SDK2: variants seen among roughly 807,000 people sequenced by gnomAD.
SDK2 encodes sidekick cell adhesion molecule 2, also known as protein sidekick-2.
A neutral mutation model predicts 253.9 loss-of-function variants in SDK2; 105 were observed. The ratio of observed to expected loss-of-function variants is 0.41; its 90% CI spans 0.35 to 0.49. The LOEUF (loss-of-function observed/expected upper bound fraction) is 0.49. Among genes scored for constraint, SDK2 ranks in the 20% least tolerant of loss-of-function variants. The pLI, the probability that SDK2 is intolerant of heterozygous loss-of-function variation, is 0.06. For missense variants in SDK2, 2,608 were observed against 3,003.0 expected, an observed-to-expected ratio of 0.87 and a Z score of 3.07; for synonymous variants, 1,249 against 1,234.9, an observed-to-expected ratio of 1.01 and a Z score of -0.24.
Position 73,395,465 on chromosome 17 carries a change from A to G in SDK2, c.3355-73T>C. ...CTGTGCAGGGAGGAACTGCCCTGCTACCCTCTCCTCCAGGGCGCCTTCAGG... is the reference window on the plus strand; with the variant it reads ...CTGTGCAGGGAGGAACTGCCCTGCTGCCCTCTCCTCCAGGGCGCCTTCAGG... On this transcript the variant is annotated intron_variant, in intron 24 of 44. Coordinates refer to ENST00000392650, the MANE Select transcript of SDK2 (RefSeq NM_001144952.2). This position sits in a 1 kb window ranked among gnomAD's most constrained non-coding sequence, Gnocchi z 4.3. The G allele has an allele frequency of 2.4e-6, 3 of 1,268,518 alleles. No individual in the cohort carries two copies. Among genetic ancestry groups the G allele is most frequent in the Non-Finnish European group, 3.4e-6 (3 of 883,296 alleles). 78.6% of individuals were successfully genotyped at this position (1,268,518 alleles called of 1,614,324 possible). A position where few individuals can be genotyped will look rare whatever the true frequency, so the allele number is the denominator to read the frequency against.
intron 1 of SDK2, among the ~76,000 whole-genome samples, chr17:73,631,464 C>T (rs1223448840): frequency 6.6e-6 from 1 of 152,236 alleles, no homozygotes; most frequent in Non-Finnish European, 1.5e-5. Flanking sequence ...AGCCCCTCTT[C>T]CATTCTGGGT....
chr17:73,578,092 C>T (rs1159741708), intron 1 of SDK2, among the ~76,000 whole-genome samples: 1 of 149,488 alleles, frequency 6.7e-6, no homozygotes. Context: ...TGGAGTCTCG[C>T]TCTGTCACCC....
At position 73,639,500 on chromosome 17, in the gene SDK2, G is replaced by T. The variant is rs760598025; in HGVS notation, c.64+4525C>A. 6.6e-6 allele frequency among the ~76,000 whole-genome samples: 1 copy of T among 152,222 alleles called. No homozygotes were observed. The highest frequency in any genetic ancestry group is 2.4e-5 in the African/African-American group (1 of 41,462). ...TTTTCCTTTCCATTACAGGCAGTGG[G>T]CTGCAGCCGCCAGTTGCTGCTGGCC... is the stretch of plus-strand genomic sequence containing the variant. On this transcript the variant is annotated intron_variant, in intron 1 of 44. Coordinates refer to ENST00000392650, the MANE Select transcript of SDK2 (RefSeq NM_001144952.2). The surrounding 1 kb of genome is among the most constrained non-coding windows in gnomAD (Gnocchi z 4.3).
rs1257946682 is a variant in SDK2, at chr17:73,431,473, T to C, written c.1480+29A>G. The C allele has an allele frequency of 6.3e-7, 1 of 1,595,842 alleles. No homozygotes were observed. On this transcript the variant is annotated intron_variant, in intron 11 of 44. Coordinates refer to ENST00000392650, the MANE Select transcript of SDK2 (RefSeq NM_001144952.2). This position sits in a 1 kb window ranked among gnomAD's most constrained non-coding sequence, Gnocchi z 5.6. ...GGATGTACACACGCACACACAAATG[T>C]ATAAAGCCCTGTGGCTCTGCACACT...
chr17:73,604,247 G>T (rs761929952), intron 1 of SDK2, among the ~76,000 whole-genome samples: 2 of 152,242 alleles, frequency 1.3e-5, no homozygotes, highest in Non-Finnish European at 2.9e-5. Context: ...GACCCGCAAA[G>T]CTCATGGCCT....
intron 36 of SDK2, among the ~76,000 whole-genome samples, chr17:73,373,294 T>G (rs976742090): frequency 3.3e-5 from 5 of 152,238 alleles, no homozygotes; most frequent in Non-Finnish European, 5.9e-5. Context: ...TTCCACATCT[T>G]GGCTACTGTG....
chr17:73,458,394 GC>G (rs2063542177), intron 3 of SDK2, among the ~76,000 whole-genome samples: 1 of 152,170 alleles, frequency 6.6e-6, no homozygotes, highest in Non-Finnish European at 1.5e-5. Context: ...GCACAGAAAG[GC>G]CCGTCTGGCT....
Position 73,405,488 on chromosome 17 carries a change from ATATATATATATATATATATATATAT to A in SDK2, c.2485-3372_2485-3348del, listed in dbSNP as rs1568385652. Among the ~76,000 whole-genome samples, 116 of 96,036 alleles carry A rather than the reference ATATATATATATATATATATATATAT, an allele frequency of 1.2e-3. 11 individuals are homozygous for A. The highest frequency in any genetic ancestry group is 2.3e-3 in the East Asian group (6 of 2,556). 63.0% of individuals were successfully genotyped at this position (96,036 alleles called of 152,430 possible). A position where few individuals can be genotyped will look rare whatever the true frequency, so the allele number is the denominator to read the frequency against. The stretch of plus-strand genomic sequence containing the variant: ...AAACCATATATATATATATATATAT[ATATATATATATATATATATATATAT>A]ATATAAAGATCGAGAATGTGGAAAG... On this transcript the variant is annotated intron_variant, in intron 18 of 44. Coordinates refer to ENST00000392650, the MANE Select transcript of SDK2 (RefSeq NM_001144952.2).
intron 1 of SDK2, among the ~76,000 whole-genome samples, chr17:73,531,579 C>T (rs1260619700): frequency 6.6e-6 from 1 of 152,214 alleles, no homozygotes; most frequent in East Asian, 1.9e-4. Flanking sequence ...CCTGCCCCAT[C>T]TCTGATCTAG....
chr17:73,346,717 C>T (rs796982452), intron 44 of SDK2, among the ~76,000 whole-genome samples: 16 of 152,302 alleles, frequency 1.1e-4, no homozygotes, highest in African/African-American at 3.8e-4. Context: ...GGGCAGATTT[C>T]TGCCAATTTT....
rs764745965 is a variant in SDK2 at position 73,358,158 on chromosome 17, A to G, written c.5514T>C (p.Ser1838=). The change falls in exon 40 of 45, where the codon TCT becomes TCC. Residue 1838 remains serine (S), a synonymous_variant. Transcript: ENST00000392650. Reference sequence around the variant, plus strand: ...CGCTGGACCAGTGAATGGCGATGGCAGAGCTGTACCGCACGATGATGGGCA... The same window carrying G: ...CGCTGGACCAGTGAATGGCGATGGCGGAGCTGTACCGCACGATGATGGGCA... ...PGVPIIVRYS[S]AIAIHWSSGD... is the part of the protein sequence containing the mutation. 6.2e-7 allele frequency: 1 copy of G among 1,612,724 alleles called. No individual in the cohort carries two copies.
Position 73,534,572 on chromosome 17 carries a change from C to T in SDK2, c.65-26975G>A, listed in dbSNP as rs1182261638. Among the ~76,000 whole-genome samples, 2 of 152,076 alleles carry T rather than the reference C, an allele frequency of 1.3e-5. No individual in the cohort carries two copies. The highest frequency in any genetic ancestry group is 4.8e-5 in the African/African-American group (2 of 41,410). Reference sequence around the variant, plus strand: ...GGAGGGATGGGAAGATGCACAGAGGCAGAGCGCGAGACCAGCAAGGCAGCA... The same window carrying T: ...GGAGGGATGGGAAGATGCACAGAGGTAGAGCGCGAGACCAGCAAGGCAGCA... On this transcript the variant is annotated intron_variant, in intron 1 of 44. Transcript: ENST00000392650. The surrounding 1 kb of genome is among the most constrained non-coding windows in gnomAD (Gnocchi z 4.9).
At chr17:73,411,317 C>T (rs983294222) in intron 18 of SDK2, among the ~76,000 whole-genome samples, 1 of 152,234 alleles carries the variant, frequency 6.6e-6, no homozygotes, top group Non-Finnish European at 1.5e-5. Flanking sequence ...CAGCCTCCCC[C>T]ACTTTGGAGG....
intron 16 of SDK2, among the ~76,000 whole-genome samples, chr17:73,416,398 T>C (rs1310385868): frequency 6.6e-6 from 1 of 151,918 alleles, no homozygotes; most frequent in African/African-American, 2.4e-5. Context: ...GGTTTCACCA[T>C]GTTGGCCAGG....
At chr17:73,409,317 C>T (rs146125424) in intron 18 of SDK2, among the ~76,000 whole-genome samples, 5,521 of 152,190 alleles carry the variant, frequency 0.036, 218 homozygotes, top group East Asian at 0.15. Flanking sequence ...CCCATGTCTA[C>T]TAAAAATACA....
Position 73,569,723 on chromosome 17 carries a change from T to C in SDK2, c.65-62126A>G, listed in dbSNP as rs181332495. 3.0e-4 allele frequency among the ~76,000 whole-genome samples: 45 copies of C among 152,026 alleles called. 1 individual carries two copies. Among genetic ancestry groups the C allele is most frequent in the Admixed American group, 2.0e-3 (31 of 15,262 alleles). On this transcript the variant is annotated intron_variant, in intron 1 of 44. Coordinates refer to ENST00000392650, the MANE Select transcript of SDK2 (RefSeq NM_001144952.2). ...GTCACTGTTGTACACTATGCTGCAC[T>C]CTGGGAAAGATCAGACGAGAAAAGA...
chr17:73,380,999 AGAG>A (rs1568373922), intron 33 of SDK2, 49 bp from the exon 34 acceptor site: 10 of 1,194,090 alleles, frequency 8.4e-6, no homozygotes, highest in African/African-American at 1.5e-5. Context: ...GACAGCAGAC[AGAG>A]GAGGTTAGTG....
At position 73,496,087 on chromosome 17, in the gene SDK2, AC is replaced by A. The variant is rs770898769; in HGVS notation, c.224+11350del. 6.5e-4 allele frequency among the ~76,000 whole-genome samples: 99 copies of A among 152,172 alleles called. No homozygotes were observed. The highest frequency in any genetic ancestry group is 2.7e-3 in the South Asian group (13 of 4,818). On this transcript the variant is annotated intron_variant, in intron 2 of 44. Coordinates refer to ENST00000392650, the MANE Select transcript of SDK2 (RefSeq NM_001144952.2). The surrounding 1 kb of genome is among the most constrained non-coding windows in gnomAD (Gnocchi z 4.7). The stretch of plus-strand genomic sequence containing the variant: ...GGACTTCCCGGGAGGGTGGGAAGGA[AC>A]CGTGGCCAGGAAGAATGAGGTGGGA...
chr17:73,424,530 T>C (rs575215454), intron 12 of SDK2, among the ~76,000 whole-genome samples: 2 of 152,338 alleles, frequency 1.3e-5, no homozygotes, highest in Admixed American at 1.3e-4. Flanking sequence ...TGCATCAGTG[T>C]GACAAATTGA....
Sources: gnomAD v4.1 joint callset for allele counts (sites outside exome capture counted in the v4.1 genomes callset) on GRCh38, gnomAD v4.1.1 for gene constraint, Gnocchi (gnomAD v3.1) non-coding constraint, MANE v1.5 for transcripts, NCBI Gene and HGNC (gene_info 2026-07-23, HGNC 2026-07-21) for gene names.